SCRN1: variants seen among roughly 807,000 people sequenced by gnomAD.
The protein encoded by SCRN1 is secernin 1.
Under a neutral mutation model 43.3 loss-of-function variants are expected in SCRN1, and 19 were observed. The ratio of observed to expected loss-of-function variants is 0.44; its 90% CI spans 0.31 to 0.64. SCRN1 has a LOEUF of 0.64. SCRN1 is among the 30% of genes least tolerant of loss of function. The pLI, the probability that SCRN1 is intolerant of heterozygous loss-of-function variation, is 0.09. For missense variants in SCRN1, 447 were observed against 524.1 expected (o/e 0.85, Z 1.44); for synonymous variants, 183 against 188.9 (o/e 0.97, Z 0.26).
chr7:29,951,139 A>G (rs1787906317), intron 3 of SCRN1, among the ~76,000 whole-genome samples: 1 of 152,176 alleles, frequency 6.6e-6, no homozygotes, highest in Non-Finnish European at 1.5e-5. Flanking sequence ...AGTTCCTGGC[A>G]TTTCCAAGCT....
intron 7 of SCRN1, among the ~76,000 whole-genome samples, chr7:29,925,438 C>G (rs866398747): frequency 6.6e-6 from 1 of 152,152 alleles, no homozygotes; most frequent in Non-Finnish European, 1.5e-5. Context: ...CCTTTTGGGC[C>G]CTTCAGGCCA....
chr7:29,954,247 A>C (rs1317849502), intron 3 of SCRN1, among the ~76,000 whole-genome samples: 1 of 152,148 alleles, frequency 6.6e-6, no homozygotes, highest in African/African-American at 2.4e-5. Flanking sequence ...AAAAAGGAAG[A>C]AAAAATAACT....
chr7:29,963,118 C>T (rs1477569948), intron 2 of SCRN1, among the ~76,000 whole-genome samples: 6 of 152,028 alleles, frequency 3.9e-5, no homozygotes, highest in South Asian at 2.1e-4. Context: ...CATCAGCTCA[C>T]GTGTGTCTCA....
intron 3 of SCRN1, among the ~76,000 whole-genome samples, chr7:29,945,090 A>C (rs1421027596): frequency 6.6e-6 from 1 of 152,078 alleles, no homozygotes; most frequent in East Asian, 1.9e-4. Context: ...TTTTCTACAT[A>C]TTTCTCCTCC....
intron 2 of SCRN1, among the ~76,000 whole-genome samples, chr7:29,957,267 G>A (rs777063948): frequency 3.9e-5 from 6 of 152,258 alleles, no homozygotes; most frequent in African/African-American, 1.4e-4. Flanking sequence ...CCCAGGCCCT[G>A]TCCTTTTGGC....
chr7:29,977,518 T>TAATTAAAAATTGG (rs1788869888), intron 1 of SCRN1, among the ~76,000 whole-genome samples: 1 of 152,260 alleles, frequency 6.6e-6, no homozygotes, highest in Admixed American at 6.5e-5. Flanking sequence ...AAATGCCAGC[T>TAATTAAAAATTGG]GATGAAAGTC....
chr7:29,989,808 C>G (rs1213100257), upstream of SCRN1: 2 of 989,960 alleles, frequency 2.0e-6, no homozygotes, highest in East Asian at 1.1e-4. Context: ...ACTCCCGGCG[C>G]TGGGGCCCGC....
intron 2 of SCRN1, among the ~76,000 whole-genome samples, chr7:29,960,218 C>T (rs1788264856): frequency 6.6e-6 from 1 of 152,148 alleles, no homozygotes; most frequent in South Asian, 2.1e-4. Context: ...ACTAACAATG[C>T]TACCAGCCAT....
chr7:29,954,551 C>A (rs1029166646), intron 3 of SCRN1, among the ~76,000 whole-genome samples: 2 of 152,184 alleles, frequency 1.3e-5, no homozygotes, highest in African/African-American at 4.8e-5. Context: ...TAACTTCCTG[C>A]CTCTATGGAT....
At chr7:29,928,347 G>C (rs764075567) in intron 6 of SCRN1, among the ~76,000 whole-genome samples, 4 of 152,120 alleles carry the variant, frequency 2.6e-5, no homozygotes, top group Non-Finnish European at 5.9e-5. Flanking sequence ...CACTACTAAA[G>C]ACACAACAGT....
At chr7:29,935,168 G>A (rs1787283384) in intron 6 of SCRN1, among the ~76,000 whole-genome samples, 1 of 152,166 alleles carries the variant, frequency 6.6e-6, no homozygotes, top group Admixed American at 6.5e-5. Context: ...TTTGTTGAAT[G>A]AACGAGTGAA....
intron 1 of SCRN1, among the ~76,000 whole-genome samples, chr7:29,971,645 A>C (rs970249993): frequency 2.8e-4 from 42 of 152,246 alleles, no homozygotes; most frequent in African/African-American, 8.9e-4. Context: ...AAAAAAAAAA[A>C]AAAAAACTTT....
intron 6 of SCRN1, among the ~76,000 whole-genome samples, chr7:29,932,322 G>T (rs1787182155): frequency 6.6e-6 from 1 of 152,094 alleles, no homozygotes; most frequent in Non-Finnish European, 1.5e-5. Context: ...GTAACAAAAA[G>T]CTGTTTCTGA....
intron 2 of SCRN1, among the ~76,000 whole-genome samples, chr7:29,960,767 C>A (rs1788280805): frequency 6.6e-6 from 1 of 152,096 alleles, no homozygotes; most frequent in Non-Finnish European, 1.5e-5. Context: ...TATTCCTCTG[C>A]TTCCTCAACA....
intron 6 of SCRN1, among the ~76,000 whole-genome samples, chr7:29,936,200 C>G (rs1787319525): frequency 6.6e-6 from 1 of 152,192 alleles, no homozygotes; most frequent in Non-Finnish European, 1.5e-5. Context: ...GTGTTTTGTT[C>G]ATTTCTGTAT....
chr7:29,974,685 C>CTTTCTTTTTTT (rs1288431675), intron 1 of SCRN1, among the ~76,000 whole-genome samples: 71 of 134,188 alleles, frequency 5.3e-4, no homozygotes, highest in African/African-American at 1.8e-3. Flanking sequence ...TTCTTTCTTT[C>CTTTCTTTTTTT]TTTTTTTTTT....
At position 29,984,011 on chromosome 7, in the gene SCRN1, G is replaced by C. The variant is rs562662951; in HGVS notation, c.-2+5631C>G. Among the ~76,000 whole-genome samples the C allele has an allele frequency of 7.9e-5, 12 of 152,166 alleles. No individual in the cohort carries two copies. In the South Asian group the frequency reaches 2.5e-3, roughly 32 times the overall value. ...CCTTGAGGCCACGAGTTCAAAAGTA[G>C]CCTGGCCAGCATGGCATTACCTTAT... is the stretch of plus-strand genomic sequence containing the variant. On this transcript the variant is annotated intron_variant, in intron 1 of 7. Coordinates refer to ENST00000242059, the MANE Select transcript of SCRN1 (RefSeq NM_014766.5).
intron 1 of SCRN1, among the ~76,000 whole-genome samples, chr7:29,971,469 CA>C (rs541894541): frequency 1.3e-3 from 204 of 151,938 alleles, no homozygotes; most frequent in African/African-American, 4.8e-3. Flanking sequence ...CCTGTTTCCA[CA>C]AAAAATACAA....
intron 2 of SCRN1, among the ~76,000 whole-genome samples, chr7:29,966,159 C>CAGACAGAGAG (rs1310111629): frequency 3.1e-4 from 26 of 84,464 alleles, no homozygotes; most frequent in Middle Eastern, 6.8e-3. Flanking sequence ...GACCGAGAGA[C>CAGACAGAGAG]AGAGAGAGAG....
Sources: allele counts gnomAD v4.1 joint callset (sites outside exome capture counted in the v4.1 genomes callset), GRCh38; gene constraint gnomAD v4.1.1; transcripts MANE v1.5; gene names NCBI Gene and HGNC (gene_info 2026-07-23, HGNC 2026-07-21).